ADGRL3: variants seen among roughly 807,000 people sequenced by gnomAD.
ADGRL3 encodes the protein adhesion G protein-coupled receptor L3.
ADGRL3 carries 62 observed loss-of-function variants against 153.5 expected under a neutral mutation model. That is an observed-to-expected ratio of 0.40 (90% CI 0.33 to 0.50). The LOEUF (loss-of-function observed/expected upper bound fraction) is 0.50, where lower values mean the gene tolerates loss of function less well. Among genes scored for constraint, ADGRL3 ranks in the 20% least tolerant of loss-of-function variants. The pLI is 0.47. For missense variants in ADGRL3, 1,641 were observed against 1,859.4 expected (o/e 0.88, Z 2.16); for synonymous variants, 710 against 672.5 (o/e 1.06, Z -0.86).
At chr4:61,920,367 G>A (rs1442776540) in intron 13 of ADGRL3, among the ~76,000 whole-genome samples, 1 of 152,150 alleles carries the variant, frequency 6.6e-6, no homozygotes, top group Non-Finnish European at 1.5e-5. Flanking sequence ...TTTTGGTACA[G>A]GTCAGAAAAG....
At chr4:61,481,598 T>C (rs1016631754) in intron 2 of ADGRL3, among the ~76,000 whole-genome samples, 1 of 152,088 alleles carries the variant, frequency 6.6e-6, no homozygotes, top group Admixed American at 6.6e-5. Context: ...ATTGGGATTT[T>C]ATATATTAAT....
intron 8 of ADGRL3, among the ~76,000 whole-genome samples, chr4:61,798,999 GTATATATATATATATATA>G (rs34782885): frequency 0.019 from 1,512 of 80,760 alleles, 62 homozygotes; most frequent in African/African-American, 0.046. Context: ...TATATAAACA[GTATATATATATATATATA>G]TATATATATA....
chr4:61,974,869 C>T lies in ADGRL3; in HGVS notation c.2806-4694C>T, dbSNP rs145807780. ...GCTCTAATTTTCTTTATCTTTTACT[C>T]AACATTTTAGAGCTGATGATTTAAG... On this transcript the variant is annotated intron_variant, in intron 17 of 26. Coordinates refer to ENST00000683033, the MANE Select transcript of ADGRL3 (RefSeq NM_001387552.1). Among the ~76,000 whole-genome samples the T allele has an allele frequency of 3.4e-3, 516 of 152,214 alleles. 8 individuals carry two copies. Among genetic ancestry groups the T allele is most frequent in the Admixed American group, 0.023 (346 of 15,276 alleles).
rs944744141 is a variant in ADGRL3 at position 61,767,543 on chromosome 4, A to G, written c.1399+33989A>G. On this transcript the variant is annotated intron_variant, in intron 8 of 26. Transcript: ENST00000683033. ...TGATGGTCTAGGGGGCTTCCGAGGC[A>G]ATCGGGCAGTGTCAGTCTTCAGCCG... 2.4e-4 allele frequency among the ~76,000 whole-genome samples: 36 copies of G among 152,168 alleles called. 1 individual carries two copies. Among genetic ancestry groups the G allele is most frequent in the Admixed American group, 9.2e-4 (14 of 15,278 alleles).
intron 1 of ADGRL3, among the ~76,000 whole-genome samples, chr4:61,330,290 G>T (rs2095546241): frequency 6.6e-6 from 1 of 152,016 alleles, no homozygotes; most frequent in Non-Finnish European, 1.5e-5. Flanking sequence ...CATTTGAATT[G>T]GTAGACTGAG....
At chr4:61,408,007 T>G (rs2097025696) in intron 2 of ADGRL3, among the ~76,000 whole-genome samples, 1 of 152,062 alleles carries the variant, frequency 6.6e-6, no homozygotes, top group African/African-American at 2.4e-5. Context: ...TAACTCTATA[T>G]TACGTCATTT....
intron 2 of ADGRL3, among the ~76,000 whole-genome samples, chr4:61,452,640 A>C (rs1187952394): frequency 6.6e-6 from 1 of 152,174 alleles, no homozygotes; most frequent in Admixed American, 6.6e-5. Flanking sequence ...TGAGGCATAA[A>C]ATATATAAGT....
intron 25 of ADGRL3, among the ~76,000 whole-genome samples, chr4:62,051,922 C>G (rs1470175175): frequency 2.0e-5 from 3 of 151,634 alleles, no homozygotes; most frequent in African/African-American, 7.3e-5. Context: ...ATTTTTAGAG[C>G]TAAGTGTGAA....
At chr4:61,370,818 T>C (rs1264788787) in intron 1 of ADGRL3, among the ~76,000 whole-genome samples, 1 of 152,180 alleles carries the variant, frequency 6.6e-6, no homozygotes, top group Non-Finnish European at 1.5e-5. Context: ...CTGTCTAATA[T>C]TGACAGTGGG....
At chr4:61,724,561 A>T (rs1424972793) in intron 6 of ADGRL3, among the ~76,000 whole-genome samples, 1 of 152,210 alleles carries the variant, frequency 6.6e-6, no homozygotes, top group East Asian at 1.9e-4. Context: ...GAAACAAATT[A>T]TATAAAGCCA....
chr4:61,995,258 T>C (rs2099117808), intron 19 of ADGRL3, among the ~76,000 whole-genome samples: 1 of 152,092 alleles, frequency 6.6e-6, no homozygotes, highest in Non-Finnish European at 1.5e-5. Context: ...TCCTCCTTTT[T>C]AACTGTTTTA....
Position 61,760,949 on chromosome 4 carries a change from G to C in ADGRL3, c.1399+27395G>C, listed in dbSNP as rs182429331. Among the ~76,000 whole-genome samples the C allele has an allele frequency of 6.3e-3, 964 of 152,318 alleles. 14 individuals carry two copies. The highest frequency in any genetic ancestry group is 7.5e-3 in the Non-Finnish European group (507 of 68,032). ...GTGTCAGAGTTTCTAAGGACGACTT[G>C]GTGGGGGGAAGCCAGTGAACCAGGA... On this transcript the variant is annotated intron_variant, in intron 8 of 26. Transcript: ENST00000683033.
intron 6 of ADGRL3, among the ~76,000 whole-genome samples, chr4:61,709,130 T>C (rs112519791): frequency 4.0e-4 from 61 of 152,266 alleles, no homozygotes; most frequent in African/African-American, 1.4e-3. Context: ...CTTCAAGGCC[T>C]ATTATACACA....
chr4:61,894,536 T>C (rs1024099052), intron 10 of ADGRL3, among the ~76,000 whole-genome samples: 1 of 152,130 alleles, frequency 6.6e-6, no homozygotes, highest in Non-Finnish European at 1.5e-5. Flanking sequence ...AAAAGAAAAA[T>C]AATAATAGCC....
At chr4:61,806,409 A>G (rs1170547035) in intron 8 of ADGRL3, among the ~76,000 whole-genome samples, 1 of 151,754 alleles carries the variant, frequency 6.6e-6, no homozygotes, top group Non-Finnish European at 1.5e-5. Context: ...TATAATGTAT[A>G]TAAATACAAT....
At chr4:61,329,014 G>C (rs1033864192) in intron 1 of ADGRL3, among the ~76,000 whole-genome samples, 1 of 152,132 alleles carries the variant, frequency 6.6e-6, no homozygotes, top group South Asian at 2.1e-4. Context: ...CAAGTGGCCT[G>C]AAATTTGCAT....
chr4:61,950,317 T>C (rs943165051), intron 17 of ADGRL3, among the ~76,000 whole-genome samples: 7 of 152,110 alleles, frequency 4.6e-5, no homozygotes, highest in African/African-American at 1.7e-4. Flanking sequence ...TTGAACAGTG[T>C]ACTGTGGGAA....
intron 6 of ADGRL3, among the ~76,000 whole-genome samples, chr4:61,700,573 T>C (rs2095738536): frequency 6.6e-6 from 1 of 152,074 alleles, no homozygotes; most frequent in Non-Finnish European, 1.5e-5. Flanking sequence ...GTGCCAATGA[T>C]GGTAATAGGA....
chr4:61,519,375 A>T (rs1361217773), intron 4 of ADGRL3, among the ~76,000 whole-genome samples: 1 of 152,150 alleles, frequency 6.6e-6, no homozygotes, highest in Non-Finnish European at 1.5e-5. Context: ...TGTTTTGGAC[A>T]GAGATGAAAA....
Sources: allele counts gnomAD v4.1 joint callset (sites outside exome capture counted in the v4.1 genomes callset), GRCh38; gene constraint gnomAD v4.1.1; transcripts MANE v1.5; gene names NCBI Gene and HGNC (gene_info 2026-07-23, HGNC 2026-07-21).